Variants in SLC14A2 observed in about 807,000 individuals in gnomAD.
SLC14A2 encodes solute carrier family 14 member 2, also known as urea transporter 2.
In SLC14A2, 91 loss-of-function variants were observed where a neutral mutation model predicts 104.6. The ratio of observed to expected loss-of-function variants is 0.87; its 90% CI spans 0.73 to 1.04. The LOEUF (loss-of-function observed/expected upper bound fraction) is 1.04. Ranked by LOEUF, SLC14A2 falls within the 50% of genes least tolerant of loss-of-function variation. The pLI is 0.00. For missense variants in SLC14A2, 1,189 were observed against 1,156.0 expected, an observed-to-expected ratio of 1.03 and a Z score of -0.41; for synonymous variants, 476 against 466.4, an observed-to-expected ratio of 1.02 and a Z score of -0.27.
chr18:45,243,260 A>G (rs895412212), intron 1 of SLC14A2, among the ~76,000 whole-genome samples: 1 of 152,246 alleles, frequency 6.6e-6, no homozygotes, highest in Non-Finnish European at 1.5e-5. Context: ...ATTATTGCTT[A>G]CTGTGAGTGA....
intron 1 of SLC14A2, among the ~76,000 whole-genome samples, chr18:45,387,167 C>T (rs1305515886): frequency 6.6e-6 from 1 of 152,212 alleles, no homozygotes; most frequent in Admixed American, 6.5e-5. Context: ...CTTACAACTT[C>T]TGTATGTTAC....
At chr18:45,447,089 G>T (rs938931904) in intron 1 of SLC14A2, among the ~76,000 whole-genome samples, 3 of 152,074 alleles carry the variant, frequency 2.0e-5, no homozygotes, top group African/African-American at 7.2e-5. Context: ...TTGTTCTTTG[G>T]CCATAGCTCC....
chr18:45,626,838 GCT>G, intron 3 of SLC14A2, 118 bp from the exon 4 acceptor site: 3 of 699,910 alleles, frequency 4.3e-6, no homozygotes, highest in Non-Finnish European at 2.3e-6. Context: ...CCCTGGCCTG[GCT>G]GAATGGGAAG....
intron 16 of SLC14A2, among the ~76,000 whole-genome samples, chr18:45,671,033 G>C (rs145975402): frequency 1.4e-4 from 21 of 152,278 alleles, no homozygotes; most frequent in African/African-American, 4.8e-4. Flanking sequence ...CCAGAAACAA[G>C]AAAAGGTGCT....
the SLC14A2 span, among the ~76,000 whole-genome samples, chr18:45,200,397 C>T: frequency 6.6e-6 from 1 of 152,138 alleles, no homozygotes; most frequent in African/African-American, 2.4e-5. Context: ...TTTATCAATA[C>T]ATTAGTGCAG....
intron 2 of SLC14A2, among the ~76,000 whole-genome samples, chr18:45,584,379 G>T (rs2044539078): frequency 6.6e-6 from 1 of 152,180 alleles, no homozygotes; most frequent in Non-Finnish European, 1.5e-5. Flanking sequence ...TACGCCACAT[G>T]CCCACACTTA....
chr18:45,673,745 C>G lies in SLC14A2; in HGVS notation c.2440C>G (p.Leu814Val). Residue 814 changes from leucine (L) to valine (V), a missense_variant, in exon 18 of 20, where the codon CTC becomes GTC. Transcript: ENST00000255226. ...CGGCCTGTGTGGCTTCAACAGCACC[C>G]TCGCATGCATAGCGATAGGAGGCAT... Reference protein sequence around the residue: ...YFGLCGFNSTLACIAIGGMFY... With the variant: ...YFGLCGFNSTVACIAIGGMFY... The G allele has an allele frequency of 6.2e-7, 1 of 1,614,182 alleles. No homozygotes were observed. Among genetic ancestry groups the G allele is most frequent in the Non-Finnish European group, 8.5e-7 (1 of 1,180,012 alleles).
chr18:45,517,903 G>A (rs1187548131), intron 2 of SLC14A2, among the ~76,000 whole-genome samples: 2 of 152,158 alleles, frequency 1.3e-5, no homozygotes, highest in East Asian at 3.8e-4. Flanking sequence ...CTTGCTCAAG[G>A]GGGCAAGGGA....
intron 10 of SLC14A2, among the ~76,000 whole-genome samples, chr18:45,649,334 C>T (rs376632295): frequency 1.4e-4 from 21 of 152,316 alleles, no homozygotes; most frequent in African/African-American, 5.1e-4. Flanking sequence ...TCCTCCCCAG[C>T]GCCCCAGTAC....
Position 45,643,110 on chromosome 18 carries a change from G to A in SLC14A2, c.1127-22G>A, listed in dbSNP as rs557404266. ...GGGAAGGCCCTGGGAAGCTCACTCT[G>A]GTGATCCTTGTTCCTCCACAGCCCT... is the stretch of plus-strand genomic sequence containing the variant. On this transcript the variant is annotated intron_variant, in intron 8 of 19. Coordinates refer to ENST00000255226, the MANE Select transcript of SLC14A2 (RefSeq NM_007163.4). 12 of 1,613,678 alleles carry A rather than the reference G, an allele frequency of 7.4e-6. No homozygotes were observed. The Admixed American group carries it at 1.3e-4, about 18-fold the overall frequency.
At chr18:45,168,116 T>C in the SLC14A2 span, among the ~76,000 whole-genome samples, 2 of 152,216 alleles carry the variant, frequency 1.3e-5, no homozygotes, top group Non-Finnish European at 2.9e-5. Flanking sequence ...ATATTCAATA[T>C]GCTAAATAAT....
chr18:45,418,953 G>T (rs1310446879), intron 1 of SLC14A2, among the ~76,000 whole-genome samples: 4 of 152,176 alleles, frequency 2.6e-5, no homozygotes, highest in Non-Finnish European at 4.4e-5. Context: ...GCAATCAGAG[G>T]GGAGGACGGT....
intron 1 of SLC14A2, among the ~76,000 whole-genome samples, chr18:45,254,836 C>A (rs982413690): frequency 6.6e-6 from 1 of 152,096 alleles, no homozygotes; most frequent in Non-Finnish European, 1.5e-5. Context: ...CCAAGGAGGC[C>A]AATGATGCTG....
At chr18:45,519,780 T>G (rs144426790) in intron 2 of SLC14A2, among the ~76,000 whole-genome samples, 21 of 152,330 alleles carry the variant, frequency 1.4e-4, no homozygotes, top group Admixed American at 5.2e-4. Flanking sequence ...TACTCCGGGA[T>G]CTGCTCATCC....
chr18:45,670,765 A>T (rs1339581457), intron 16 of SLC14A2, among the ~76,000 whole-genome samples: 1 of 152,162 alleles, frequency 6.6e-6, no homozygotes, highest in East Asian at 1.9e-4. Context: ...TGTTCAAGGG[A>T]TCCTCCCACC....
intron 1 of SLC14A2, among the ~76,000 whole-genome samples, chr18:45,283,790 G>A (rs16978325): frequency 0.07 from 10,698 of 151,842 alleles, 443 homozygotes; most frequent in South Asian, 0.1. Context: ...GTCTTACCTC[G>A]AGGGTCTTAC....
At chr18:45,654,139 G>GGGA (rs1555718846) in intron 10 of SLC14A2, among the ~76,000 whole-genome samples, 4 of 151,270 alleles carry the variant, frequency 2.6e-5, no homozygotes, top group African/African-American at 9.7e-5. Context: ...AGGAATGCTG[G>GGGA]GGGGGACGTG....
chr18:45,499,120 T>C (rs1418148684), intron 2 of SLC14A2, among the ~76,000 whole-genome samples: 1 of 152,172 alleles, frequency 6.6e-6, no homozygotes, highest in Non-Finnish European at 1.5e-5. Context: ...TTTTCACTGG[T>C]GGAGAAGAGA....
At chr18:45,240,123 G>T (rs2084297594) in intron 1 of SLC14A2, among the ~76,000 whole-genome samples, 1 of 117,194 alleles carries the variant, frequency 8.5e-6, no homozygotes, top group Non-Finnish European at 1.6e-5. Flanking sequence ...TTTTGACCGA[G>T]TCTCACTCTG....
Sources: allele counts gnomAD v4.1 joint callset (sites outside exome capture counted in the v4.1 genomes callset), GRCh38; gene constraint gnomAD v4.1.1; transcripts MANE v1.5; gene names NCBI Gene and HGNC (gene_info 2026-07-23, HGNC 2026-07-21).